The following GMPR variants were observed in gnomAD, a reference collection of about 807,000 sequenced individuals.
GMPR encodes the protein guanosine monophosphate reductase.
GMPR carries 31 observed loss-of-function variants against 38.4 expected under a neutral mutation model. The observed-to-expected ratio is 0.81, with a 90% CI of 0.61 to 1.09. The LOEUF is 1.09. GMPR is among the 50% of genes least tolerant of loss of function. GMPR has a pLI of 0.00. For synonymous variants in GMPR, 162 were observed against 173.3 expected, an observed-to-expected ratio of 0.93 and a Z score of 0.51; for missense variants, 468 against 453.7, an observed-to-expected ratio of 1.03 and a Z score of -0.29.
chr6:16,261,981 C>A (rs763873183), intron 4 of GMPR, among the ~76,000 whole-genome samples: 5 of 151,626 alleles, frequency 3.3e-5, no homozygotes, highest in African/African-American at 4.8e-5. Context: ...GGGAACTGGG[C>A]AGGTGGGGAT....
At chr6:16,238,924 C>T (rs1469179258) in intron 1 of GMPR, 144 bp downstream of exon 1, 4 of 367,744 alleles carry the variant, frequency 1.1e-5, no homozygotes, top group Admixed American at 4.6e-5. Flanking sequence ...TCCCGCGCCC[C>T]AGCACCTGCC....
At chr6:16,273,482 A>G (rs973011840) in intron 4 of GMPR, among the ~76,000 whole-genome samples, 2 of 152,180 alleles carry the variant, frequency 1.3e-5, no homozygotes, top group Non-Finnish European at 2.9e-5. Context: ...AACCAGACAC[A>G]TCCTTCTGGT....
intron 1 of GMPR, among the ~76,000 whole-genome samples, chr6:16,242,694 A>G (rs529094072): frequency 1.3e-5 from 2 of 152,158 alleles, no homozygotes; most frequent in South Asian, 2.1e-4. Flanking sequence ...GCTGGAGTAC[A>G]ATGGCGTGAT....
In GMPR at chr6:16,238,655, C is replaced by CCCG. The variant is rs903115718; in HGVS notation, c.-35_-33dup. ...CGCCGCCCCGCGCAGGCGCCCCCGCCCCGCCGTCGCCGCCGCCGCAGCCAG... is the reference window on the plus strand; with the variant it reads ...CGCCGCCCCGCGCAGGCGCCCCCGCCCCGCCGCCGTCGCCGCCGCCGCAGCCAG... On this transcript the variant is annotated 5_prime_UTR_variant, in exon 1 of 9. Transcript: ENST00000259727. 26 of 1,079,008 alleles carry CCCG rather than the reference C, an allele frequency of 2.4e-5. No homozygotes were observed. Among genetic ancestry groups the CCCG allele is most frequent in the African/African-American group, 6.7e-5 (4 of 59,404 alleles). The allele number at this position is 1,079,008 out of a possible 1,614,324, so 66.8% of individuals were successfully genotyped here. A position where few individuals can be genotyped will look rare whatever the true frequency, so the allele number is the denominator to read the frequency against.
chr6:16,251,787 T>C (rs1296745123), intron 3 of GMPR, among the ~76,000 whole-genome samples: 1 of 152,100 alleles, frequency 6.6e-6, no homozygotes, highest in Non-Finnish European at 1.5e-5. Flanking sequence ...CTAAATATAC[T>C]AAAAATCATT....
chr6:16,283,797 A>G (rs890936292), intron 6 of GMPR, among the ~76,000 whole-genome samples: 4 of 152,232 alleles, frequency 2.6e-5, no homozygotes, highest in Admixed American at 6.5e-5. Flanking sequence ...AAAGTCATAC[A>G]TGTGTAGGAC....
At chr6:16,289,842 T>A (rs1274667706) in intron 7 of GMPR, 7 of 141,570 alleles carry the variant, frequency 4.9e-5, no homozygotes. Flanking sequence ...TCTAAGATAC[T>A]GCCCAATTTT....
intron 5 of GMPR, among the ~76,000 whole-genome samples, chr6:16,278,216 C>T (rs530386412): frequency 2.6e-5 from 4 of 152,102 alleles, no homozygotes; most frequent in Admixed American, 2.6e-4. Flanking sequence ...TGGAGGGTGT[C>T]GTGCTGCAGG....
At chr6:16,266,053 CA>C (rs1051614125) in intron 4 of GMPR, among the ~76,000 whole-genome samples, 53 of 152,012 alleles carry the variant, frequency 3.5e-4, no homozygotes, top group African/African-American at 1.1e-3. Flanking sequence ...ACCACGAACC[CA>C]GTGGGAGGAA....
rs528044576 is a variant in GMPR at position 16,240,225 on chromosome 6, G to A, written c.87+1445G>A. ...TCTGAACCAGAAAACATGTTGAGAA[G>A]GTAAAATATTGAACATTAATGTAAT... On this transcript the variant is annotated intron_variant, in intron 1 of 8. Coordinates refer to ENST00000259727, the MANE Select transcript of GMPR (RefSeq NM_006877.4). 3.8e-4 allele frequency among the ~76,000 whole-genome samples: 58 copies of A among 152,270 alleles called. 1 individual carries two copies. The highest frequency in any genetic ancestry group is 3.7e-3 in the South Asian group (18 of 4,830).
chr6:16,284,786 G>A (rs549826717), intron 6 of GMPR, among the ~76,000 whole-genome samples: 3 of 152,176 alleles, frequency 2.0e-5, no homozygotes, highest in South Asian at 2.1e-4. Context: ...TTGGGAGGCC[G>A]AGGTGGGCGG....
chr6:16,245,724 C>T (rs572243559), intron 1 of GMPR, among the ~76,000 whole-genome samples: 12 of 152,316 alleles, frequency 7.9e-5, no homozygotes, highest in Admixed American at 1.3e-4. Context: ...TCAGCAACAG[C>T]GAGAAGCCAC....
chr6:16,243,921 T>C (rs1758706508), intron 1 of GMPR, among the ~76,000 whole-genome samples: 1 of 152,154 alleles, frequency 6.6e-6, no homozygotes, highest in Non-Finnish European at 1.5e-5. Context: ...TAAGTGGCAG[T>C]TGTTCATGGA....
At chr6:16,243,262 T>C (rs894525991) in intron 1 of GMPR, among the ~76,000 whole-genome samples, 1 of 152,192 alleles carries the variant, frequency 6.6e-6, no homozygotes, top group Non-Finnish European at 1.5e-5. Flanking sequence ...AGCACGAGTA[T>C]TTTGGAACCA....
At chr6:16,253,897 C>A (rs1758922412) in intron 3 of GMPR, among the ~76,000 whole-genome samples, 2 of 152,076 alleles carry the variant, frequency 1.3e-5, no homozygotes, top group Non-Finnish European at 2.9e-5. Context: ...TGATATGACA[C>A]AATCATGCCG....
intron 7 of GMPR, among the ~76,000 whole-genome samples, chr6:16,288,498 A>G (rs1759745088): frequency 1.3e-5 from 2 of 152,182 alleles, no homozygotes; most frequent in African/African-American, 2.4e-5. Context: ...CCTGCGGGGC[A>G]GGGCTCGGGA....
chr6:16,268,465 G>T (rs1247226016), intron 4 of GMPR, among the ~76,000 whole-genome samples: 1 of 152,168 alleles, frequency 6.6e-6, no homozygotes, highest in Non-Finnish European at 1.5e-5. Flanking sequence ...CTTTAGTAGA[G>T]ACGAGGTTTT....
Position 16,278,730 on chromosome 6 carries a change from A to C in GMPR, c.548-54A>C, listed in dbSNP as rs984842838. ...AGGTAAGGGGGACGCATTTCATGTC[A>C]CAGTCTTCTCATGTATAACCATCTA... On this transcript the variant is annotated intron_variant, in intron 5 of 8. Transcript: ENST00000259727. 9.1e-6 allele frequency: 11 copies of C among 1,214,200 alleles called. No homozygotes were observed. In the African/African-American group the frequency reaches 1.2e-4, roughly 13 times the overall value. The allele number at this position is 1,214,200 out of a possible 1,614,324, so 75.2% of individuals were successfully genotyped here.
rs201015786 is a variant in GMPR at position 16,295,186 on chromosome 6, A to AC, written c.*3dup. 1.5e-3 allele frequency: 2,331 copies of AC among 1,504,944 alleles called. 29 individuals are homozygous for AC. The African/African-American group carries it at 0.025, about 16-fold the overall frequency. The allele number at this position is 1,504,944 out of a possible 1,614,324, so 93.2% of individuals were successfully genotyped here. On this transcript the variant is annotated 3_prime_UTR_variant, in exon 9 of 9. Coordinates refer to ENST00000259727, the MANE Select transcript of GMPR (RefSeq NM_006877.4). ...AGCAGCACAACACCGTGTTCAGCTA[A>AC]CCCTGGGGACAAAGCAGCGTCTGGC...
Sources: allele counts gnomAD v4.1 joint callset (sites outside exome capture counted in the v4.1 genomes callset), GRCh38; gene constraint gnomAD v4.1.1; transcripts MANE v1.5; gene names NCBI Gene and HGNC (gene_info 2026-07-23, HGNC 2026-07-21).